Variants in CRYBG1 observed in about 807,000 individuals in gnomAD.
CRYBG1 encodes the protein beta/gamma crystallin domain-containing protein 1.
CRYBG1 carries 139 observed loss-of-function variants against 189.2 expected under a neutral mutation model. The ratio of observed to expected loss-of-function variants is 0.73; its 90% CI spans 0.64 to 0.85. CRYBG1 has a LOEUF of 0.85. Among genes scored for constraint, CRYBG1 ranks in the 40% least tolerant of loss-of-function variants. The probability of loss-of-function intolerance (pLI) is 0.00; values close to 1 mark genes in which losing one functional copy is unlikely to be tolerated. For synonymous variants in CRYBG1, 1,023 were observed against 1,017.1 expected, an observed-to-expected ratio of 1.01 and a Z score of -0.11; for missense variants, 2,611 against 2,675.8, an observed-to-expected ratio of 0.98 and a Z score of 0.53.
chr6:106,393,351 A>G (rs573522291), intron 1 of CRYBG1, among the ~76,000 whole-genome samples: 1 of 152,284 alleles, frequency 6.6e-6, no homozygotes, highest in Admixed American at 6.5e-5. Flanking sequence ...ACTGACCAGT[A>G]TGCACCCGTG....
Position 106,362,967 on chromosome 6 carries a change from C to T in CRYBG1, c.173+1886C>T, listed in dbSNP as rs1043716962. Among the ~76,000 whole-genome samples the T allele has an allele frequency of 3.9e-5, 6 of 151,902 alleles. No homozygotes were observed. In the South Asian group the frequency reaches 6.2e-4, roughly 16 times the overall value. Reference sequence around the variant, plus strand: ...TAGTATAAAATTTAAAATAGGAGGCCGGGCGCGGTGGCTCACGCCTGTAAT... The same window carrying T: ...TAGTATAAAATTTAAAATAGGAGGCTGGGCGCGGTGGCTCACGCCTGTAAT... On this transcript the variant is annotated intron_variant, in intron 1 of 21. Coordinates refer to ENST00000633556, the MANE Select transcript of CRYBG1 (RefSeq NM_001371242.2).
chr6:106,378,869 G>A (rs1385189255), intron 1 of CRYBG1, among the ~76,000 whole-genome samples: 1 of 152,066 alleles, frequency 6.6e-6, no homozygotes, highest in Admixed American at 6.5e-5. Context: ...AATGATGCTG[G>A]CCAGGTGTGG....
chr6:106,421,811 C>T (rs893124671), intron 1 of CRYBG1, among the ~76,000 whole-genome samples: 6 of 152,166 alleles, frequency 3.9e-5, no homozygotes, highest in African/African-American at 1.4e-4. Flanking sequence ...CACAGTTCCA[C>T]TTGGCTGGGG....
At chr6:106,465,450 G>GAGGT (rs1772097050) in intron 2 of CRYBG1, among the ~76,000 whole-genome samples, 1 of 152,176 alleles carries the variant, frequency 6.6e-6, no homozygotes, top group Non-Finnish European at 1.5e-5. Flanking sequence ...GCATTCCTTT[G>GAGGT]AGGTACCTCA....
In CRYBG1 at chr6:106,519,448, C is replaced by A; in HGVS notation, c.2240C>A (p.Thr747Asn). 6.2e-7 allele frequency: 1 copy of A among 1,614,088 alleles called. No individual in the cohort carries two copies. The highest frequency in any genetic ancestry group is 8.5e-7 in the Non-Finnish European group (1 of 1,180,034). Residue 747 changes from threonine (T) to asparagine (N), a missense_variant, in exon 4 of 22, where the codon ACT becomes AAT. Physicochemically the swap from Thr to Asn is moderately conservative, Grantham distance 65. Transcript: ENST00000633556. ...CAGAATGGTGTGCTGGTTAAGGAAA[C>A]TGCTATAGAAACCAAAGTTACCGTC... ...SPQNGVLVKE[T>N]AIETKVTVSE... is the part of the protein sequence containing the mutation.
chr6:106,529,387 CAT>C (rs1410058802), intron 7 of CRYBG1, among the ~76,000 whole-genome samples: 4 of 152,172 alleles, frequency 2.6e-5, no homozygotes, highest in African/African-American at 9.7e-5. Context: ...TTTCTTGAAA[CAT>C]AAAACATAAG....
intron 1 of CRYBG1, among the ~76,000 whole-genome samples, chr6:106,428,646 CT>C (rs1771270414): frequency 6.6e-6 from 1 of 152,166 alleles, no homozygotes; most frequent in African/African-American, 2.4e-5. Flanking sequence ...GAGAAAGTAT[CT>C]TGCCTAAGGT....
intron 2 of CRYBG1, among the ~76,000 whole-genome samples, chr6:106,464,228 C>T (rs1378834126): frequency 1.3e-5 from 2 of 151,850 alleles, no homozygotes; most frequent in Non-Finnish European, 3.0e-5. Flanking sequence ...GGCGCAGTGG[C>T]TCACACCTGT....
At chr6:106,366,038 A>G (rs924908672) in intron 1 of CRYBG1, among the ~76,000 whole-genome samples, 10 of 152,232 alleles carry the variant, frequency 6.6e-5, no homozygotes, top group African/African-American at 1.9e-4. Flanking sequence ...TTGTAAGGAT[A>G]AACTATTGTT....
Position 106,526,444 on chromosome 6 carries a change from G to A in CRYBG1, c.4413-861G>A, listed in dbSNP as rs191576656. On this transcript the variant is annotated intron_variant, in intron 6 of 21. Coordinates refer to ENST00000633556, the MANE Select transcript of CRYBG1 (RefSeq NM_001371242.2). Reference sequence around the variant, plus strand: ...TTTCCTTTCTTTTGCAACTTTTGTCGGCTTCTTTTTCTTGAAAGCATAAGC... The same window carrying A: ...TTTCCTTTCTTTTGCAACTTTTGTCAGCTTCTTTTTCTTGAAAGCATAAGC... Among the ~76,000 whole-genome samples the A allele has an allele frequency of 5.6e-3, 848 of 151,826 alleles. 6 individuals are homozygous for A. Among genetic ancestry groups the A allele is most frequent in the Admixed American group, 0.022 (338 of 15,260 alleles).
chr6:106,527,414 G>A lies in CRYBG1; in HGVS notation c.4522G>A (p.Glu1508Lys), dbSNP rs371501555. Residue 1508 changes from glutamate to lysine, a missense_variant, in exon 7 of 22, where the codon GAA (glutamate) becomes AAA (lysine). Physicochemically the swap from Glu to Lys is moderately conservative, Grantham distance 56. Transcript: ENST00000633556. ...WGIEDILERH[E>K]EAESDKPVVI... ...TATAGAAGACATTTTGGAAAGGCAC[G>A]AAGAAGCAGAGTCTGATAAGCCAGT... The A allele has an allele frequency of 7.4e-6, 12 of 1,613,716 alleles. No individual in the cohort carries two copies. In the East Asian group the frequency reaches 1.1e-4, roughly 15 times the overall value.
chr6:106,478,904 C>A (rs371235896), intron 2 of CRYBG1, among the ~76,000 whole-genome samples: 4 of 152,222 alleles, frequency 2.6e-5, no homozygotes, highest in Non-Finnish European at 5.9e-5. Flanking sequence ...TGATCTGCCA[C>A]TGTCCATCAC....
chr6:106,565,269 C>A (rs543334504), intron 21 of CRYBG1, among the ~76,000 whole-genome samples: 42 of 150,552 alleles, frequency 2.8e-4, no homozygotes, highest in Non-Finnish European at 5.0e-4. Context: ...TGCACTGAGC[C>A]GAGATTGTGC....
At chr6:106,533,782 G>T (rs1429703768) in intron 8 of CRYBG1, among the ~76,000 whole-genome samples, 1 of 152,180 alleles carries the variant, frequency 6.6e-6, no homozygotes, top group East Asian at 1.9e-4. Context: ...TTTTGGACAG[G>T]TTAAGGCTGA....
chr6:106,471,467 A>G (rs927258280), intron 2 of CRYBG1, among the ~76,000 whole-genome samples: 4 of 152,176 alleles, frequency 2.6e-5, no homozygotes, highest in Non-Finnish European at 4.4e-5. Flanking sequence ...ATTCGGGATC[A>G]TATCTATTTT....
At chr6:106,401,111 AGGAAGTGCAAAAGGAAGATT>A (rs1303606721) in intron 1 of CRYBG1, among the ~76,000 whole-genome samples, 1 of 152,216 alleles carries the variant, frequency 6.6e-6, no homozygotes, top group African/African-American at 2.4e-5. Flanking sequence ...TTCACATAAA[AGGAAGTGCAAAAGGAAGATT>A]GTCATTCTTC....
In CRYBG1 at chr6:106,555,899, T is replaced by C; in HGVS notation, c.5715+2T>C. On this transcript the variant is annotated splice_donor_variant, in intron 17 of 21. Transcript: ENST00000633556. LOFTEE classifies it high-confidence loss of function. ...AAGTCTCTTCGTTTTATAGATGTTG[T>C]AAGTATGTCATTGTGAATAGTGTTG... 6.2e-7 allele frequency: 1 copy of C among 1,614,170 alleles called. No homozygotes were observed. Among genetic ancestry groups the C allele is most frequent in the Non-Finnish European group, 8.5e-7 (1 of 1,179,998 alleles).
At chr6:106,467,363 A>G (rs1772133880) in intron 2 of CRYBG1, among the ~76,000 whole-genome samples, 1 of 151,824 alleles carries the variant, frequency 6.6e-6, no homozygotes, top group Non-Finnish European at 1.5e-5. Flanking sequence ...TCCCAGCTAC[A>G]CAGGAGGCTG....
At chr6:106,487,694 C>T (rs1411635216) in intron 2 of CRYBG1, among the ~76,000 whole-genome samples, 2 of 152,054 alleles carry the variant, frequency 1.3e-5, no homozygotes, top group Non-Finnish European at 2.9e-5. Flanking sequence ...TGTTGAATTT[C>T]TCATACAGAT....
Sources: gnomAD v4.1 joint callset for allele counts (sites outside exome capture counted in the v4.1 genomes callset) on GRCh38, gnomAD v4.1.1 for gene constraint, MANE v1.5 for transcripts, NCBI Gene and HGNC (gene_info 2026-07-23, HGNC 2026-07-21) for gene names.